CSMD2: variants seen among roughly 807,000 people sequenced by gnomAD.
CSMD2 encodes CUB and Sushi multiple domains 2, also known as CUB and sushi domain-containing protein 2.
In CSMD2, 130 loss-of-function variants were observed where a neutral mutation model predicts 398.5. The ratio of observed to expected loss-of-function variants is 0.33; its 90% confidence interval spans 0.28 to 0.38. CSMD2 has a LOEUF of 0.38. Ranked by LOEUF, CSMD2 falls within the 10% of genes least tolerant of loss-of-function variation. The pLI is 1.00. For missense variants in CSMD2, 3,829 were observed against 4,764.9 expected, an observed-to-expected ratio of 0.80 and a Z score of 5.78; for synonymous variants, 1,828 against 1,908.5, an observed-to-expected ratio of 0.96 and a Z score of 1.10.
chr1:33,883,774 A>G (rs12096250), intron 5 of CSMD2, among the ~76,000 whole-genome samples: 19,737 of 152,116 alleles, frequency 0.13, 1,902 homozygotes, highest in African/African-American at 0.27. Flanking sequence ...CACTTTCAAG[A>G]TGTTTCTTTT....
chr1:33,989,847 A>C (rs905554073), intron 3 of CSMD2, among the ~76,000 whole-genome samples: 4 of 152,138 alleles, frequency 2.6e-5, no homozygotes, highest in African/African-American at 9.7e-5. Context: ...GGATGGGAGG[A>C]GAATGACTAA....
At chr1:33,987,842 AC>A (rs1646413556) in intron 3 of CSMD2, among the ~76,000 whole-genome samples, 1 of 152,058 alleles carries the variant, frequency 6.6e-6, no homozygotes, top group African/African-American at 2.4e-5. Context: ...CAAGTTAGAA[AC>A]CTGGATCATC....
chr1:33,555,120 G>A (rs2148644224), intron 55 of CSMD2, among the ~76,000 whole-genome samples: 1 of 152,320 alleles, frequency 6.6e-6, no homozygotes, highest in South Asian at 2.1e-4. Flanking sequence ...ATTCATGGGA[G>A]GAGGTCCAAA....
chr1:33,609,984 G>T (rs553051305), intron 41 of CSMD2, among the ~76,000 whole-genome samples: 102 of 152,262 alleles, frequency 6.7e-4, no homozygotes, highest in South Asian at 2.1e-3. Flanking sequence ...TATAAAAGAG[G>T]CCTGAGAGAG....
chr1:33,993,678 C>G (rs1477465703), intron 3 of CSMD2, among the ~76,000 whole-genome samples: 1 of 152,172 alleles, frequency 6.6e-6, no homozygotes, highest in East Asian at 1.9e-4. Flanking sequence ...GCCTATGTCT[C>G]TCATAATTCA....
At chr1:33,849,131 G>C (rs1274717126) in intron 5 of CSMD2, among the ~76,000 whole-genome samples, 2 of 152,140 alleles carry the variant, frequency 1.3e-5, no homozygotes, top group Non-Finnish European at 2.9e-5. Flanking sequence ...TAATTTCCGA[G>C]GCTTAAACTC....
chr1:33,709,717 C>A (rs1377696745), intron 21 of CSMD2, among the ~76,000 whole-genome samples: 1 of 152,146 alleles, frequency 6.6e-6, no homozygotes, highest in Non-Finnish European at 1.5e-5. Flanking sequence ...ACATCATAAT[C>A]GCTAACCCTT....
intron 22 of CSMD2, among the ~76,000 whole-genome samples, chr1:33,701,916 A>C (rs2149125024): frequency 6.6e-6 from 1 of 152,378 alleles, no homozygotes; most frequent in South Asian, 2.1e-4. Context: ...AATTGCAGTA[A>C]GAAAGACAAT....
intron 13 of CSMD2, among the ~76,000 whole-genome samples, chr1:33,744,394 C>T (rs114734560): frequency 0.011 from 1,657 of 152,220 alleles, 12 homozygotes; most frequent in Non-Finnish European, 0.016. Context: ...CTTTCAGAGA[C>T]CAAAGCTTCT....
At chr1:33,741,253 G>C (rs1647055554) in intron 14 of CSMD2, among the ~76,000 whole-genome samples, 1 of 151,970 alleles carries the variant, frequency 6.6e-6, no homozygotes, top group African/African-American at 2.4e-5. Flanking sequence ...GAGCTGTCTG[G>C]GGAGGCAAGC....
At chr1:33,597,768 C>T (rs911400647) in intron 44 of CSMD2, among the ~76,000 whole-genome samples, 11 of 152,188 alleles carry the variant, frequency 7.2e-5, no homozygotes, top group Middle Eastern at 3.2e-3. Context: ...AAGAGAAACC[C>T]TTGTACATGT....
intron 3 of CSMD2, among the ~76,000 whole-genome samples, chr1:33,998,842 T>C (rs1416064896): frequency 6.6e-6 from 1 of 152,216 alleles, no homozygotes; most frequent in Non-Finnish European, 1.5e-5. Context: ...AGGTCAGATA[T>C]CTATGAAGCT....
At chr1:34,165,763 G>A, upstream of CSMD2, 1 of 1,614,064 alleles carries the variant, frequency 6.2e-7, no homozygotes, top group Non-Finnish European at 8.5e-7. Context: ...ATCTTGGGTG[G>A]TGGCTTTGAA....
At chr1:33,951,437 C>T (rs150741292) in intron 3 of CSMD2, among the ~76,000 whole-genome samples, 1 of 152,338 alleles carries the variant, frequency 6.6e-6, no homozygotes, top group Non-Finnish European at 1.5e-5. Context: ...CAGAGCCCAT[C>T]CCGGGCTGCA....
Position 33,626,474 on chromosome 1 carries a change from T to C in CSMD2, c.5296+12A>G. 1.3e-6 allele frequency: 2 copies of C among 1,586,704 alleles called. No individual in the cohort carries two copies. Among genetic ancestry groups the C allele is most frequent in the Non-Finnish European group, 1.7e-6 (2 of 1,166,442 alleles). ...ATCACCTTCCTACCTCCGGCGTCCA[T>C]GTCCTCCATACCTTGGTAGACAAAG... On this transcript the variant is annotated intron_variant, in intron 33 of 70. Transcript: ENST00000373381.
chr1:34,042,280 A>T (rs1160565807), intron 2 of CSMD2, among the ~76,000 whole-genome samples: 1 of 152,214 alleles, frequency 6.6e-6, no homozygotes, highest in East Asian at 1.9e-4. Context: ...GCGGCTGGCA[A>T]ATCAAAACAC....
chr1:33,883,479 T>A (rs12048901), intron 5 of CSMD2, among the ~76,000 whole-genome samples: 1 of 152,250 alleles, frequency 6.6e-6, no homozygotes, highest in East Asian at 1.9e-4. Flanking sequence ...CTTTTTTTTT[T>A]AAGTCAGTAT....
intron 7 of CSMD2, 38 bp from the exon 8 acceptor site, chr1:33,820,594 C>T: frequency 7.8e-7 from 1 of 1,275,280 alleles, no homozygotes; most frequent in Non-Finnish European, 1.1e-6. Flanking sequence ...AAAAACAGCA[C>T]ACACAGAGAT....
intron 65 of CSMD2, 96 bp from the exon 66 acceptor site, chr1:33,525,139 G>A: frequency 1.5e-6 from 2 of 1,305,928 alleles, no homozygotes; most frequent in Non-Finnish European, 2.2e-6. Flanking sequence ...CACTGGGATT[G>A]TTTCCTTTCC....
Sources: allele counts gnomAD v4.1 joint callset (sites outside exome capture counted in the v4.1 genomes callset), GRCh38; gene constraint gnomAD v4.1.1; transcripts MANE v1.5; gene names NCBI Gene and HGNC (gene_info 2026-07-23, HGNC 2026-07-21).